ANKRD36C: variants seen among roughly 807,000 people sequenced by gnomAD.
ANKRD36C encodes the protein ankyrin repeat domain-containing protein 36C.
In ANKRD36C, 61 loss-of-function variants were observed where a neutral mutation model predicts 276.4. That is an observed-to-expected ratio of 0.22 (90% CI 0.18 to 0.27). The LOEUF (loss-of-function observed/expected upper bound fraction) is 0.27, where lower values mean the gene tolerates loss of function less well. ANKRD36C is among the 10% of genes least tolerant of loss of function. The pLI is 1.00. For missense variants in ANKRD36C, 1,447 were observed against 2,032.3 expected (o/e 0.71, Z 5.54); for synonymous variants, 483 against 680.1 (o/e 0.71, Z 4.51).
chr2:95,886,173 C>CTA, intron 51 of ANKRD36C, 43 bp downstream of exon 71: 1 of 1,540,784 alleles, frequency 6.5e-7, no homozygotes, highest in South Asian at 1.2e-5. Context: ...TATTCATAGA[C>CTA]TATACAGTTA....
At chr2:95,922,631 T>A (rs1190355314) in intron 32 of ANKRD36C, among the ~76,000 whole-genome samples, 2 of 151,670 alleles carry the variant, frequency 1.3e-5, no homozygotes, top group African/African-American at 4.8e-5. Flanking sequence ...TAAGAGTCAG[T>A]TGATGAACTC....
At position 95,933,820 on chromosome 2, in the gene ANKRD36C, C is replaced by T. The variant is rs1022585991; in HGVS notation, c.1735+1634G>A. On this transcript the variant is annotated intron_variant, in intron 24 of 66. Coordinates refer to ENST00000456556, the Ensembl canonical transcript of ANKRD36C. ...CTTCCAATACTATGATCAGAGTGAACAGGCAACCTACAGAACAGGAGAAAA... is the reference window on the plus strand; with the variant it reads ...CTTCCAATACTATGATCAGAGTGAATAGGCAACCTACAGAACAGGAGAAAA... Among the ~76,000 whole-genome samples, 34 of 152,392 alleles carry T rather than the reference C, an allele frequency of 2.2e-4. No homozygotes were observed. The East Asian group carries it at 2.7e-3, about 12-fold the overall frequency.
At chr2:95,940,901 T>C (rs375563231) in intron 20 of ANKRD36C, among the ~76,000 whole-genome samples, 924 of 130,252 alleles carry the variant, frequency 7.1e-3, no homozygotes, top group South Asian at 0.014. Flanking sequence ...TTAAATTAAA[T>C]TATATTTACT....
intron 36 of ANKRD36C, 138 bp from the exon 39 acceptor site, chr2:95,916,309 G>C (rs1470826015): frequency 2.6e-5 from 38 of 1,457,982 alleles, no homozygotes; most frequent in Non-Finnish European, 3.1e-5. Flanking sequence ...TTTGTGTCTG[G>C]GGACTAGAAC....
At chr2:95,917,727 A>C in intron 36 of ANKRD36C, 128 bp downstream of exon 38, 1 of 1,252,044 alleles carries the variant, frequency 8.0e-7, no homozygotes, top group East Asian at 2.5e-5. Context: ...GAAGACTCTC[A>C]GGACTGCTGG....
intron 42 of ANKRD36C, 41 bp downstream of exon 46, chr2:95,910,332 A>T: frequency 6.6e-7 from 1 of 1,513,414 alleles, no homozygotes; most frequent in Non-Finnish European, 8.9e-7. Flanking sequence ...CTTCTTATCT[A>T]TCTGGACAGA....
chr2:95,864,738 G>T (rs1235677034), intron 60 of ANKRD36C, among the ~76,000 whole-genome samples: 2 of 151,916 alleles, frequency 1.3e-5, no homozygotes, highest in Non-Finnish European at 2.9e-5. Context: ...GATGATCTAT[G>T]GCTGCTCTCA....
intron 4 of ANKRD36C, among the ~76,000 whole-genome samples, chr2:95,981,520 G>A (rs933383565): frequency 2.0e-5 from 3 of 147,880 alleles, no homozygotes; most frequent in African/African-American, 7.4e-5. Context: ...ATACATATGT[G>A]TGTATATGTA....
chr2:95,948,640 T>G (rs1185373364), intron 16 of ANKRD36C, 44 bp from the exon 17 acceptor site: 2 of 1,528,298 alleles, frequency 1.3e-6, no homozygotes. Flanking sequence ...CGTTCATTTC[T>G]TAAAAGAAAA....
At chr2:95,931,784 C>T (rs1477372190) in intron 24 of ANKRD36C, among the ~76,000 whole-genome samples, 11 of 148,002 alleles carry the variant, frequency 7.4e-5, no homozygotes, top group Admixed American at 6.9e-5. Context: ...GGAACAGAAA[C>T]ATTTTCATTT....
chr2:95,923,338 C>A (rs540110607), intron 32 of ANKRD36C, among the ~76,000 whole-genome samples, 157 bp downstream of exon 32: 5 of 151,634 alleles, frequency 3.3e-5, no homozygotes, highest in Admixed American at 6.6e-5. Context: ...AGACCAGCAG[C>A]ATCAGCGTCA....
intron 44 of ANKRD36C, among the ~76,000 whole-genome samples, chr2:95,892,618 C>T (rs570661418): frequency 4.6e-5 from 7 of 151,478 alleles, no homozygotes; most frequent in Non-Finnish European, 5.9e-5. Context: ...TAGATATTGA[C>T]CAGTTATTCA....
chr2:95,964,685 T>C (rs925924418), intron 6 of ANKRD36C, among the ~76,000 whole-genome samples: 1 of 152,206 alleles, frequency 6.6e-6, no homozygotes, highest in Admixed American at 6.6e-5. Context: ...CTCACATTGG[T>C]TTGAGTATCT....
chr2:95,872,469 G>A lies in ANKRD36C; in HGVS notation c.3540+3970C>T, dbSNP rs1426577983. Among the ~76,000 whole-genome samples the A allele has an allele frequency of 3.0e-3, 460 of 151,952 alleles. 2 individuals carry two copies. Among genetic ancestry groups the A allele is most frequent in the African/African-American group, 0.011 (443 of 41,460 alleles). On this transcript the variant is annotated intron_variant, in intron 59 of 66. Transcript: ENST00000456556. ...AATAAAGATGTTCTTTGAAACCAAC[G>A]AGAACAAAGACACAACATACCAGAA...
chr2:95,912,642 T>G (rs1279938921), intron 40 of ANKRD36C, among the ~76,000 whole-genome samples: 2 of 151,326 alleles, frequency 1.3e-5, no homozygotes, highest in African/African-American at 4.8e-5. Flanking sequence ...CCCTTACAAT[T>G]TCAAACATGG....
At chr2:95,890,881 T>C (rs1261956926) in intron 46 of ANKRD36C, among the ~76,000 whole-genome samples, 4 of 151,528 alleles carry the variant, frequency 2.6e-5, no homozygotes. Flanking sequence ...AGAAGTTTCA[T>C]GAAATAGCTA....
intron 48 of ANKRD36C, among the ~76,000 whole-genome samples, chr2:95,889,121 A>G (rs557299040): frequency 3.2e-4 from 48 of 151,582 alleles, no homozygotes; most frequent in Non-Finnish European, 5.2e-4. Context: ...CTGATGCCTA[A>G]TAGTAAATTA....
intron 44 of ANKRD36C, among the ~76,000 whole-genome samples, chr2:95,892,693 A>T (rs1187755111): frequency 2.6e-5 from 4 of 151,386 alleles, no homozygotes; most frequent in Non-Finnish European, 5.9e-5. Flanking sequence ...ATCCAGCATA[A>T]TTTTTGTTTC....
intron 44 of ANKRD36C, among the ~76,000 whole-genome samples, chr2:95,895,852 A>C (rs1676531252): frequency 6.6e-6 from 1 of 151,034 alleles, no homozygotes; most frequent in African/African-American, 2.4e-5. Context: ...CCGTGTCAAT[A>C]TCAATGTGGA....
Sources: gnomAD v4.1 joint callset for allele counts (sites outside exome capture counted in the v4.1 genomes callset) on GRCh38, gnomAD v4.1.1 for gene constraint, MANE v1.5 for transcripts, NCBI Gene and HGNC (gene_info 2026-07-23, HGNC 2026-07-21) for gene names.